Variants in RALGPS2 observed in about 807,000 individuals in gnomAD.
RALGPS2 encodes the protein ras-specific guanine nucleotide-releasing factor RalGPS2.
Under a neutral mutation model 86.8 loss-of-function variants are expected in RALGPS2, and 43 were observed. The observed-to-expected ratio is 0.50, with a 90% confidence interval of 0.39 to 0.64. The LOEUF (loss-of-function observed/expected upper bound fraction) is 0.64, where lower values mean the gene tolerates loss of function less well. Ranked by LOEUF, RALGPS2 falls within the 30% of genes least tolerant of loss-of-function variation. The pLI, the probability that RALGPS2 is intolerant of heterozygous loss-of-function variation, is 0.00. For missense variants in RALGPS2, 536 were observed against 694.6 expected, an observed-to-expected ratio of 0.77 and a Z score of 2.57; for synonymous variants, 243 against 231.3, an observed-to-expected ratio of 1.05 and a Z score of -0.46.
chr1:178,862,188 A>G (rs1004479349), intron 8 of RALGPS2, among the ~76,000 whole-genome samples: 1 of 152,026 alleles, frequency 6.6e-6, no homozygotes, highest in Non-Finnish European at 1.5e-5. Flanking sequence ...ATTAATAATG[A>G]TAATCATTTA....
At chr1:178,841,194 C>CA (rs1344007735) in intron 8 of RALGPS2, among the ~76,000 whole-genome samples, 1 of 151,514 alleles carries the variant, frequency 6.6e-6, no homozygotes, top group Non-Finnish European at 1.5e-5. Context: ...AGAGACACAA[C>CA]AAAAAAAGAG....
At chr1:178,737,521 C>G (rs991837205) in intron 1 of RALGPS2, among the ~76,000 whole-genome samples, 1 of 152,174 alleles carries the variant, frequency 6.6e-6, no homozygotes, top group South Asian at 2.1e-4. Context: ...GCTGGGATTA[C>G]AGGCATGAGC....
intron 1 of RALGPS2, among the ~76,000 whole-genome samples, chr1:178,775,883 C>A (rs1004752851): frequency 4.7e-5 from 7 of 148,726 alleles, no homozygotes; most frequent in African/African-American, 1.7e-4. Flanking sequence ...GGTTCTACAT[C>A]TGGATTCAAA....
At chr1:178,794,162 G>A (rs1654084969) in intron 4 of RALGPS2, among the ~76,000 whole-genome samples, 3 of 152,096 alleles carry the variant, frequency 2.0e-5, no homozygotes, top group Admixed American at 1.3e-4. Context: ...TGTTGCCCAG[G>A]CTGGGGAGCA....
intron 1 of RALGPS2, among the ~76,000 whole-genome samples, chr1:178,750,694 C>G (rs917156913): frequency 1.2e-4 from 19 of 152,164 alleles, no homozygotes; most frequent in African/African-American, 4.3e-4. Flanking sequence ...AATTTCTTGG[C>G]TGCAGTAGGA....
intron 1 of RALGPS2, among the ~76,000 whole-genome samples, chr1:178,768,009 C>T (rs1376273338): frequency 6.6e-6 from 1 of 152,212 alleles, no homozygotes; most frequent in Admixed American, 6.5e-5. Flanking sequence ...TCCTAAAGTG[C>T]TGGGATTATA....
chr1:178,833,223 G>T (rs940280934), intron 7 of RALGPS2, among the ~76,000 whole-genome samples: 1 of 151,778 alleles, frequency 6.6e-6, no homozygotes, highest in African/African-American at 2.4e-5. Context: ...AACATACAAA[G>T]GATATCTTAT....
intron 8 of RALGPS2, among the ~76,000 whole-genome samples, chr1:178,836,051 TTTCCACAGTGGAGACA>T (rs1309860917): frequency 6.6e-6 from 1 of 152,216 alleles, no homozygotes; most frequent in Non-Finnish European, 1.5e-5. Context: ...TCTTGACATT[TTTCCACAGTGGAGACA>T]TCAGTACAGG....
intron 1 of RALGPS2, among the ~76,000 whole-genome samples, chr1:178,738,203 C>CTTTTT (rs1051296802): frequency 1.5e-4 from 17 of 110,714 alleles, no homozygotes; most frequent in East Asian, 2.8e-4. Flanking sequence ...AGATGGATAT[C>CTTTTT]TTTTTTTTTT....
intron 4 of RALGPS2, among the ~76,000 whole-genome samples, chr1:178,804,033 A>G (rs1048819194): frequency 1.3e-5 from 2 of 148,784 alleles, no homozygotes; most frequent in Non-Finnish European, 3.0e-5. Flanking sequence ...TATCATCTTA[A>G]CTGTTTCCTC....
At chr1:178,877,362 A>G in intron 8 of RALGPS2, 136 bp from the exon 9 acceptor site, 11 of 1,310,546 alleles carry the variant, frequency 8.4e-6, no homozygotes, top group Non-Finnish European at 1.1e-5. Context: ...CCCAGGCTTC[A>G]GTGTATTAAT....
At chr1:178,809,917 TAGAG>T (rs1396423793) in intron 5 of RALGPS2, among the ~76,000 whole-genome samples, 1 of 152,126 alleles carries the variant, frequency 6.6e-6, no homozygotes, top group Non-Finnish European at 1.5e-5. Context: ...TAACTTTTGA[TAGAG>T]AGTGACAAAG....
At chr1:178,755,496 T>C (rs375973811) in intron 1 of RALGPS2, among the ~76,000 whole-genome samples, 1 of 152,340 alleles carries the variant, frequency 6.6e-6, no homozygotes, top group African/African-American at 2.4e-5. Context: ...GCTGCATCCA[T>C]GTTGCTGCGA....
At chr1:178,756,675 G>GT (rs1367454639) in intron 1 of RALGPS2, among the ~76,000 whole-genome samples, 2 of 152,072 alleles carry the variant, frequency 1.3e-5, no homozygotes, top group Non-Finnish European at 2.9e-5. Flanking sequence ...TTTTAGAGTA[G>GT]TTTTTTTCTG....
At chr1:178,766,613 A>G (rs1652520689) in intron 1 of RALGPS2, among the ~76,000 whole-genome samples, 1 of 152,180 alleles carries the variant, frequency 6.6e-6, no homozygotes, top group Non-Finnish European at 1.5e-5. Flanking sequence ...CTCAAAGTAC[A>G]GCCATTAGCC....
chr1:178,837,836 G>A (rs1656356990), intron 8 of RALGPS2, among the ~76,000 whole-genome samples: 1 of 152,188 alleles, frequency 6.6e-6, no homozygotes, highest in Non-Finnish European at 1.5e-5. Flanking sequence ...CCCTAATACT[G>A]CACTTTTTCC....
intron 1 of RALGPS2, among the ~76,000 whole-genome samples, chr1:178,766,949 G>A (rs1006020491): frequency 1.3e-5 from 2 of 152,056 alleles, no homozygotes; most frequent in African/African-American, 4.8e-5. Flanking sequence ...GAGTTATTTT[G>A]GAGAGCAGGT....
At chr1:178,859,497 G>A (rs1228103867) in intron 8 of RALGPS2, among the ~76,000 whole-genome samples, 7 of 142,184 alleles carry the variant, frequency 4.9e-5, no homozygotes, top group Non-Finnish European at 1.5e-5. Flanking sequence ...TCCGCCTCCC[G>A]AGTTCAAGCA....
At chr1:178,875,746 G>T (rs994735134) in intron 8 of RALGPS2, among the ~76,000 whole-genome samples, 13 of 148,352 alleles carry the variant, frequency 8.8e-5, no homozygotes, top group African/African-American at 3.2e-4. Flanking sequence ...ACTCTTTCTT[G>T]AAAAAAAAAA....
Sources: allele counts gnomAD v4.1 joint callset (sites outside exome capture counted in the v4.1 genomes callset), GRCh38; gene constraint gnomAD v4.1.1; transcripts MANE v1.5; gene names NCBI Gene and HGNC (gene_info 2026-07-23, HGNC 2026-07-21).